The following SGCZ variants were observed in gnomAD, a reference collection of about 807,000 sequenced individuals.
The protein encoded by SGCZ is sarcoglycan zeta.
SGCZ carries 40 observed loss-of-function variants against 41.3 expected under a neutral mutation model. That is an observed-to-expected ratio of 0.97 (90% CI 0.75 to 1.26). The LOEUF (loss-of-function observed/expected upper bound fraction) is 1.26, where lower values mean the gene tolerates loss of function less well. Among genes scored for constraint, SGCZ ranks in the 50% most tolerant of loss-of-function variants. The pLI is 0.00. For missense variants in SGCZ, 552 were observed against 369.8 expected (o/e 1.49, Z -4.04); for synonymous variants, 206 against 137.5 (o/e 1.50, Z -3.49).
At chr8:14,433,696 A>G (rs1800008673) in intron 2 of SGCZ, among the ~76,000 whole-genome samples, 1 of 152,194 alleles carries the variant, frequency 6.6e-6, no homozygotes, top group Admixed American at 6.5e-5. Context: ...TTTTACATAA[A>G]CACGCTCTCT....
intron 1 of SGCZ, among the ~76,000 whole-genome samples, chr8:14,642,250 T>C (rs1585147853): frequency 6.6e-6 from 1 of 151,620 alleles, no homozygotes; most frequent in Non-Finnish European, 1.5e-5. Context: ...ATTTACAAAG[T>C]AGGTGAAATA....
rs1453477890 is a variant in SGCZ at position 14,539,174 on chromosome 8, C to A, written c.234+15558G>T. Among the ~76,000 whole-genome samples the A allele has an allele frequency of 2.0e-5, 3 of 152,112 alleles. No homozygotes were observed. The East Asian group carries it at 5.8e-4, about 29-fold the overall frequency. ...ATTCGGCCAGCAGATTATCTTCGGA[C>A]TGGAACTAAAGCATCGTATCTTCCC... On this transcript the variant is annotated intron_variant, in intron 2 of 7. Coordinates refer to ENST00000382080, the MANE Select transcript of SGCZ (RefSeq NM_139167.4).
chr8:14,168,111 A>C (rs528911442), intron 4 of SGCZ, among the ~76,000 whole-genome samples: 9 of 152,120 alleles, frequency 5.9e-5, no homozygotes, highest in Non-Finnish European at 1.2e-4. Flanking sequence ...TCTTCACTTT[A>C]ATCTTAGATG....
intron 6 of SGCZ, among the ~76,000 whole-genome samples, chr8:14,102,856 T>C (rs1802076879): frequency 6.6e-6 from 1 of 152,180 alleles, no homozygotes. Context: ...AACTTACCAG[T>C]ATATAACTTA....
intron 1 of SGCZ, among the ~76,000 whole-genome samples, chr8:15,036,563 A>G (rs115358875): frequency 2.0e-3 from 297 of 152,270 alleles, no homozygotes; most frequent in African/African-American, 7.0e-3. Flanking sequence ...CGAACTTAAA[A>G]GTTAAAGAAT....
At chr8:15,184,804 C>T (rs944844630) in intron 1 of SGCZ, among the ~76,000 whole-genome samples, 2 of 152,154 alleles carry the variant, frequency 1.3e-5, no homozygotes, top group African/African-American at 2.4e-5. Context: ...TTACCTGCAG[C>T]CTTGTAATGG....
chr8:14,809,137 A>G (rs113157149), intron 1 of SGCZ, among the ~76,000 whole-genome samples: 22 of 151,972 alleles, frequency 1.4e-4, no homozygotes, highest in African/African-American at 5.3e-4. Flanking sequence ...GCTAGATGAC[A>G]AGTTAGTGGG....
intron 2 of SGCZ, among the ~76,000 whole-genome samples, chr8:14,451,012 G>T (rs1800577652): frequency 6.6e-6 from 1 of 152,244 alleles, no homozygotes; most frequent in South Asian, 2.1e-4. Context: ...CAGCTGCTTT[G>T]CTCCAAAACC....
intron 1 of SGCZ, among the ~76,000 whole-genome samples, chr8:14,860,104 T>C (rs1183790316): frequency 2.0e-5 from 3 of 152,130 alleles, no homozygotes; most frequent in Non-Finnish European, 4.4e-5. Context: ...AACATAAAGA[T>C]GCTCTGTGGC....
At chr8:15,143,230 T>G (rs531040102) in intron 1 of SGCZ, among the ~76,000 whole-genome samples, 1 of 152,224 alleles carries the variant, frequency 6.6e-6, no homozygotes. Flanking sequence ...AGTCTAGTTC[T>G]CCAGTAGAAT....
chr8:14,713,781 A>C (rs1809598510), intron 1 of SGCZ, among the ~76,000 whole-genome samples: 1 of 151,866 alleles, frequency 6.6e-6, no homozygotes, highest in South Asian at 2.1e-4. Flanking sequence ...ATTTATGTTA[A>C]TTTGTTATTG....
chr8:15,236,884 C>G (rs966521680), intron 1 of SGCZ, among the ~76,000 whole-genome samples: 1 of 152,082 alleles, frequency 6.6e-6, no homozygotes, highest in Non-Finnish European at 1.5e-5. Context: ...AGATGCCGCC[C>G]CTACCAGCCC....
intron 1 of SGCZ, among the ~76,000 whole-genome samples, chr8:14,661,841 T>TA (rs34935358): frequency 0.19 from 28,298 of 150,466 alleles, 3,380 homozygotes; most frequent in East Asian, 0.44. Flanking sequence ...CTCAAATTGT[T>TA]AAAAAAAAAA....
At chr8:14,390,561 G>C (rs1485945861) in intron 2 of SGCZ, among the ~76,000 whole-genome samples, 1 of 151,892 alleles carries the variant, frequency 6.6e-6, no homozygotes, top group East Asian at 1.9e-4. Flanking sequence ...GAAAAATTCT[G>C]ATTTAAAATT....
intron 1 of SGCZ, among the ~76,000 whole-genome samples, chr8:15,046,317 A>C (rs1453534717): frequency 3.9e-5 from 6 of 152,082 alleles, no homozygotes. Context: ...TATTAGCTAA[A>C]AATAAATTAA....
intron 1 of SGCZ, among the ~76,000 whole-genome samples, chr8:14,994,068 G>A (rs1043779317): frequency 1.3e-5 from 2 of 152,082 alleles, no homozygotes; most frequent in Non-Finnish European, 2.9e-5. Context: ...AAGTGATTGG[G>A]TTCTGAGTAT....
chr8:14,263,733 G>T lies in SGCZ; in HGVS notation c.337-26054C>A, dbSNP rs61609689. Among the ~76,000 whole-genome samples, 947 of 152,118 alleles carry T rather than the reference G, an allele frequency of 6.2e-3. 9 individuals are homozygous for T. The highest frequency in any genetic ancestry group is 0.022 in the African/African-American group (907 of 41,470). On this transcript the variant is annotated intron_variant, in intron 3 of 7. Transcript: ENST00000382080. The stretch of plus-strand genomic sequence containing the variant: ...CAAGAGCTTAAAATACCAGGTGAGA[G>T]GTCAAAGTACCTGATTTTAGCATAA...
At chr8:14,566,722 G>A (rs561788994) in intron 1 of SGCZ, among the ~76,000 whole-genome samples, 4 of 152,248 alleles carry the variant, frequency 2.6e-5, no homozygotes, top group African/African-American at 7.2e-5. Context: ...CACTCTGGCC[G>A]TACTTGAGGA....
intron 1 of SGCZ, among the ~76,000 whole-genome samples, chr8:15,028,639 TG>T (rs1434337928): frequency 6.6e-6 from 1 of 152,104 alleles, no homozygotes; most frequent in African/African-American, 2.4e-5. Context: ...TTGATTCAAG[TG>T]GATAAAATGT....
Sources: allele counts gnomAD v4.1 joint callset (sites outside exome capture counted in the v4.1 genomes callset), GRCh38; gene constraint gnomAD v4.1.1; transcripts MANE v1.5; gene names NCBI Gene and HGNC (gene_info 2026-07-23, HGNC 2026-07-21).